MX1: variants seen among roughly 807,000 people sequenced by gnomAD.
The protein encoded by MX1 is interferon-induced GTP-binding protein Mx1.
Under a neutral mutation model 66.4 loss-of-function variants are expected in MX1, and 66 were observed. That is an observed-to-expected ratio of 0.99 (90% confidence interval 0.82 to 1.22). The LOEUF (loss-of-function observed/expected upper bound fraction) is 1.22. Ranked by LOEUF, MX1 falls within the 50% of genes most tolerant of loss-of-function variation. The pLI, the probability that MX1 is intolerant of heterozygous loss-of-function variation, is 0.00. For missense variants in MX1, 787 were observed against 834.3 expected, an observed-to-expected ratio of 0.94 and a Z score of 0.70; for synonymous variants, 311 against 318.1, an observed-to-expected ratio of 0.98 and a Z score of 0.24.
intron 8 of MX1, among the ~76,000 whole-genome samples, chr21:41,440,229 T>C (rs2090469353): frequency 6.6e-6 from 1 of 152,230 alleles, no homozygotes; most frequent in Admixed American, 6.5e-5. Context: ...CCACACACAG[T>C]GGCTCAGTCC....
chr21:41,456,015 G>A (rs2090949586), intron 16 of MX1, among the ~76,000 whole-genome samples: 2 of 152,208 alleles, frequency 1.3e-5, no homozygotes, highest in South Asian at 2.1e-4. Context: ...GCTGAGGTGG[G>A]TGGATCTCTT....
At chr21:41,435,638 A>G (rs1203588331) in intron 5 of MX1, among the ~76,000 whole-genome samples, 199 bp from the exon 6 acceptor site, 2 of 152,178 alleles carry the variant, frequency 1.3e-5, no homozygotes, top group Non-Finnish European at 2.9e-5. Flanking sequence ...ATCAGACCTC[A>G]TGAAAACTCA....
intron 5 of MX1, among the ~76,000 whole-genome samples, chr21:41,433,128 G>A (rs2090268102): frequency 6.6e-6 from 1 of 152,202 alleles, no homozygotes; most frequent in South Asian, 2.1e-4. Context: ...TTCCACTTCT[G>A]GGGATAGACT....
chr21:41,426,844 T>TCC lies in MX1; in HGVS notation c.-308-356_-308-355dup, dbSNP rs3216793. The TCC allele has an allele frequency of 1.8e-3, 276 of 151,994 alleles. 1 individual carries two copies. The highest frequency in any genetic ancestry group is 5.1e-3 in the African/African-American group (212 of 41,406). 9.4% of individuals were successfully genotyped at this position (151,994 alleles called of 1,614,324 possible). A position where few individuals can be genotyped will look rare whatever the true frequency, so the allele number is the denominator to read the frequency against. ...GCGCGGGAAGACCCCTGCCCGCTGT[T>TCC]CCCCCCCACCGCCCCAGTGGATGCC... On this transcript the variant is annotated intron_variant, in intron 1 of 16. Coordinates refer to ENST00000398598, the MANE Select transcript of MX1 (RefSeq NM_002462.5).
At chr21:41,444,314 C>CTTTTTT (rs1300035216) in intron 11 of MX1, among the ~76,000 whole-genome samples, 1 of 103,306 alleles carries the variant, frequency 9.7e-6, no homozygotes, top group African/African-American at 3.9e-5. Flanking sequence ...CTTTTCTTTT[C>CTTTTTT]TTTCTTTTTT....
At chr21:41,424,529 C>A (rs2090027356), upstream of MX1, among the ~76,000 whole-genome samples, 2 of 152,116 alleles carry the variant, frequency 1.3e-5, no homozygotes, top group African/African-American at 4.8e-5. Context: ...GGGGGTGACC[C>A]TTCCTAATCA....
chr21:41,436,157 A>G (rs1439964267), intron 6 of MX1, 128 bp downstream of exon 6: 2 of 1,140,248 alleles, frequency 1.8e-6, no homozygotes, highest in Non-Finnish European at 2.4e-6. Context: ...ATCAGGGTTT[A>G]GCTTCTCCTG....
chr21:41,458,434 A>G lies in MX1; in HGVS notation c.1759-94A>G, dbSNP rs2091006153. The G allele has an allele frequency of 9.3e-6, 11 of 1,188,392 alleles. No individual in the cohort carries two copies. In the East Asian group the frequency reaches 3.5e-4, roughly 38 times the overall value. The allele number at this position is 1,188,392 out of a possible 1,614,324, so 73.6% of individuals were successfully genotyped here. ...TGCCCTGCGAGGGTCTCCCTCATTG[A>G]GAATCTGGATCCCCTCATGTGCACA... On this transcript the variant is annotated intron_variant, in intron 16 of 16. Transcript: ENST00000398598.
chr21:41,446,086 A>C lies in MX1; in HGVS notation c.1218A>C (p.Arg406Ser), dbSNP rs1029380475. ...VGEEDIRLFT[R>S]LRHEFHKWST... is the part of the protein sequence containing the mutation. ...AGGAAGACATTCGGCTGTTTACCAG[A>C]CTCCGACACGAGTTCCACAAATGGA... is the stretch of plus-strand genomic sequence containing the variant. The change falls in exon 13 of 17, where the codon AGA becomes AGC. Residue 406 changes from arginine (R) to serine (S), a missense_variant. By Grantham distance (110) the Arg-to-Ser change is moderately radical. Coordinates refer to ENST00000398598, the MANE Select transcript of MX1 (RefSeq NM_002462.5). 5 of 1,614,028 alleles carry C rather than the reference A, an allele frequency of 3.1e-6. No homozygotes were observed. The African/African-American group carries it at 6.7e-5, about 22-fold the overall frequency.
At position 41,458,844 on chromosome 21, in the gene MX1, C is replaced by A; in HGVS notation, c.*86C>A. 6.6e-7 allele frequency: 1 copy of A among 1,518,378 alleles called. No individual in the cohort carries two copies. The highest frequency in any genetic ancestry group is 1.4e-5 in the African/African-American group (1 of 73,262). The allele number at this position is 1,518,378 out of a possible 1,614,324, so 94.1% of individuals were successfully genotyped here. A position where few individuals can be genotyped will look rare whatever the true frequency, so the allele number is the denominator to read the frequency against. On this transcript the variant is annotated 3_prime_UTR_variant, in exon 17 of 17. Transcript: ENST00000398598. The stretch of plus-strand genomic sequence containing the variant: ...CCACTGGACTGACGACTTGAGTGCT[C>A]AGTAGTCAGACTGGATAGTCCGTCT...
rs188816304 is a variant in MX1, at chr21:41,457,167, G to T, written c.1759-1361G>T. On this transcript the variant is annotated intron_variant, in intron 16 of 16. Transcript: ENST00000398598. ...TGGTACATCTTTTTGTGTGTTGAGG[G>T]TTATTTCTATTTCTTGCTCAGCAAA... 1.6e-3 allele frequency among the ~76,000 whole-genome samples: 248 copies of T among 152,262 alleles called. 1 individual carries two copies. The highest frequency in any genetic ancestry group is 3.8e-4 in the Non-Finnish European group (26 of 68,020).
intron 16 of MX1, among the ~76,000 whole-genome samples, chr21:41,457,194 A>G (rs2090980317): frequency 6.6e-6 from 1 of 152,226 alleles, no homozygotes; most frequent in Admixed American, 6.5e-5. Flanking sequence ...CTCAGCAAAC[A>G]GTTCATCCAG....
chr21:41,454,762 C>T (rs1323080601), intron 16 of MX1, among the ~76,000 whole-genome samples: 2 of 152,136 alleles, frequency 1.3e-5, no homozygotes, highest in African/African-American at 2.4e-5. Flanking sequence ...TGTAATCTCT[C>T]GGTTTATCAG....
chr21:41,451,094 CAT>C, intron 14 of MX1, 71 bp from the exon 15 acceptor site: 1 of 1,003,176 alleles, frequency 1.0e-6, no homozygotes, highest in Non-Finnish European at 1.6e-6. Flanking sequence ...ATTTGATCCT[CAT>C]ATTTTTTTGC....
At chr21:41,442,059 G>C (rs2090537755) in intron 10 of MX1, 145 bp downstream of exon 10, 7 of 737,746 alleles carry the variant, frequency 9.5e-6, no homozygotes, top group South Asian at 5.1e-5. Context: ...GTGTGACTAT[G>C]CTTGTTCCCC....
intron 10 of MX1, 88 bp downstream of exon 10, chr21:41,442,002 G>A: frequency 1.8e-6 from 2 of 1,099,958 alleles, no homozygotes; most frequent in Non-Finnish European, 2.7e-6. Context: ...CCACAGATGT[G>A]TGGAGTGTGT....
chr21:41,448,592 T>C (rs2090730306), intron 13 of MX1, among the ~76,000 whole-genome samples: 1 of 152,024 alleles, frequency 6.6e-6, no homozygotes, highest in Non-Finnish European at 1.5e-5. Flanking sequence ...GATCATGAGG[T>C]CAGGAAATTG....
chr21:41,443,626 C>T, intron 10 of MX1, 162 bp from the exon 11 acceptor site: 1 of 678,736 alleles, frequency 1.5e-6, no homozygotes, highest in Non-Finnish European at 2.7e-6. Flanking sequence ...CAGTCATAAT[C>T]CTATTCAATC....
At chr21:41,438,001 G>A (rs1357406673) in intron 7 of MX1, among the ~76,000 whole-genome samples, 1 of 152,238 alleles carries the variant, frequency 6.6e-6, no homozygotes, top group Non-Finnish European at 1.5e-5. Context: ...TGTAGACAGG[G>A]TAGAGTAGCT....
Sources: gnomAD v4.1 joint callset for allele counts (sites outside exome capture counted in the v4.1 genomes callset) on GRCh38, gnomAD v4.1.1 for gene constraint, MANE v1.5 for transcripts, NCBI Gene and HGNC (gene_info 2026-07-23, HGNC 2026-07-21) for gene names.